MYO1F: variants seen among roughly 807,000 people sequenced by gnomAD.
MYO1F encodes myosin IF, also known as unconventional myosin-If.
A neutral mutation model predicts 146.6 loss-of-function variants in MYO1F; 60 were observed. That is an observed-to-expected ratio of 0.41 (90% CI 0.33 to 0.51). MYO1F has a LOEUF of 0.51. Among genes scored for constraint, MYO1F ranks in the 20% least tolerant of loss-of-function variants. MYO1F has a pLI of 0.25. For missense variants in MYO1F, 1,274 were observed against 1,534.3 expected, an observed-to-expected ratio of 0.83 and a Z score of 2.83; for synonymous variants, 602 against 602.1, an observed-to-expected ratio of 1.00 and a Z score of 0.00.
At chr19:8,522,588 C>T (rs370097600) in intron 26 of MYO1F, 42 bp from the exon 27 acceptor site, 6 of 1,607,046 alleles carry the variant, frequency 3.7e-6, no homozygotes, top group Non-Finnish European at 5.1e-6. Context: ...CAGACACTCC[C>T]CTACCCCCTG....
At chr19:8,566,921 C>G (rs1451079767) in intron 1 of MYO1F, among the ~76,000 whole-genome samples, 3 of 151,838 alleles carry the variant, frequency 2.0e-5, no homozygotes, top group Non-Finnish European at 4.4e-5. Context: ...AAGTAATCCT[C>G]TTGCTTCAGC....
chr19:8,532,072 T>A (rs796625876), intron 19 of MYO1F, among the ~76,000 whole-genome samples: 4 of 151,602 alleles, frequency 2.6e-5, no homozygotes, highest in African/African-American at 9.7e-5. Context: ...GAGCGGAGAT[T>A]GCGCCACTGC....
At chr19:8,533,231 G>C (rs1972565228) in intron 19 of MYO1F, among the ~76,000 whole-genome samples, 1 of 151,862 alleles carries the variant, frequency 6.6e-6, no homozygotes, top group Non-Finnish European at 1.5e-5. Context: ...GTTTTGCCAT[G>C]TTGTCCAGAC....
At chr19:8,561,147 A>T (rs4566305) in intron 1 of MYO1F, among the ~76,000 whole-genome samples, 1 of 151,684 alleles carries the variant, frequency 6.6e-6, no homozygotes, top group Non-Finnish European at 1.5e-5. Flanking sequence ...GCCTTCCAAA[A>T]TGCTGGGATT....
Position 8,530,777 on chromosome 19 carries a change from C to T in MYO1F, c.2044-204G>A, listed in dbSNP as rs983387942. 3.3e-5 allele frequency among the ~76,000 whole-genome samples: 5 copies of T among 152,178 alleles called. No homozygotes were observed. The highest frequency in any genetic ancestry group is 3.9e-4 in the East Asian group (2 of 5,192). Reference sequence around the variant, plus strand: ...AAAAGGGGCCGGGCGCAGTGGCTCACGCCTGTAATCCTAGCACTTCGGGAG... The same window carrying T: ...AAAAGGGGCCGGGCGCAGTGGCTCATGCCTGTAATCCTAGCACTTCGGGAG... On this transcript the variant is annotated intron_variant, in intron 19 of 27. Coordinates refer to ENST00000644032, the MANE Select transcript of MYO1F (RefSeq NM_012335.4). The surrounding 1 kb of genome is among the most constrained non-coding windows in gnomAD (Gnocchi z 5.8).
In MYO1F at chr19:8,554,702, C is replaced by T; in HGVS notation, c.183G>A (p.Lys61=). 6.2e-7 allele frequency: 1 copy of T among 1,613,912 alleles called. No individual in the cohort carries two copies. The highest frequency in any genetic ancestry group is 8.5e-7 in the Non-Finnish European group (1 of 1,179,988). Residue 61 remains lysine (K), a synonymous_variant, in exon 3 of 28, where the codon AAG becomes AAA. Coordinates refer to ENST00000644032, the MANE Select transcript of MYO1F (RefSeq NM_012335.4). ...GSVLISVNPF[K]QMPYFTDREI... ...CACGGTCGGTGAAGTAGGGCATCTGCTTGAAGGGGTTTACAGAGATGAGCA... is the reference window on the plus strand; with the variant it reads ...CACGGTCGGTGAAGTAGGGCATCTGTTTGAAGGGGTTTACAGAGATGAGCA...
rs1180881221 is a variant in MYO1F at position 8,522,701 on chromosome 19, G to A, written c.2983C>T (p.Pro995Ser). Residue 995 changes from proline to serine, a missense_variant, in exon 26 of 28, where the codon CCC becomes TCC. Physicochemically the swap from Pro to Ser is moderately conservative, Grantham distance 74. Coordinates refer to ENST00000644032, the MANE Select transcript of MYO1F (RefSeq NM_012335.4). ...PSTSLGASRR[P>S]RARPPSEHNT... Reference sequence around the variant, plus strand: ...TGCTCTGAGGGCGGACGTGCCCGGGGTCGTCTGCTGGCTCCCAGGGATGTG... The same window carrying A: ...TGCTCTGAGGGCGGACGTGCCCGGGATCGTCTGCTGGCTCCCAGGGATGTG... 18 of 1,613,792 alleles carry A rather than the reference G, an allele frequency of 1.1e-5. No homozygotes were observed. The highest frequency in any genetic ancestry group is 1.4e-5 in the Non-Finnish European group (16 of 1,180,006).
At position 8,527,436 on chromosome 19, in the gene MYO1F, A is replaced by G. The variant is rs902067983; in HGVS notation, c.2376T>C (p.Ile792=). The change falls in exon 22 of 28, where the codon ATT becomes ATC. Residue 792 remains isoleucine, a synonymous_variant. Coordinates refer to ENST00000644032, the MANE Select transcript of MYO1F (RefSeq NM_012335.4). The part of the protein sequence containing the change: ...LILTPKCVYV[I]GREKVKKGPE... ...GTCCCTTCTTCACTTTCTCTCGCCC[A>G]ATCACATACACACACTTGGGCGTCA... 7 of 1,613,938 alleles carry G rather than the reference A, an allele frequency of 4.3e-6. No individual in the cohort carries two copies. In the Admixed American group the frequency reaches 8.3e-5, roughly 19 times the overall value.
At chr19:8,523,363 G>A (rs1291952643) in intron 25 of MYO1F, among the ~76,000 whole-genome samples, 1 of 151,878 alleles carries the variant, frequency 6.6e-6, no homozygotes, top group African/African-American at 2.4e-5. Context: ...TGTTTATTTT[G>A]AGACATGGTC....
Position 8,537,043 on chromosome 19 carries a change from C to A in MYO1F, c.1705G>T (p.Asp569Tyr). The A allele has an allele frequency of 6.2e-7, 1 of 1,605,718 alleles. No individual in the cohort carries two copies. Among genetic ancestry groups the A allele is most frequent in the Non-Finnish European group, 8.5e-7 (1 of 1,176,300 alleles). ...AGSKIKKQAN[D>Y]LVATLMRCTP... is the part of the protein sequence containing the mutation. ...CACCTCATCAGTGTGGCCACCAGGT[C>A]GTTGGCTTGTTTCTGAGGCAGAAGT... The change falls in exon 17 of 28, where the codon GAC becomes TAC. Residue 569 changes from aspartate to tyrosine, a missense_variant. Coordinates refer to ENST00000644032, the MANE Select transcript of MYO1F (RefSeq NM_012335.4).
chr19:8,574,644 TC>T (rs1244775965), intron 1 of MYO1F, among the ~76,000 whole-genome samples: 5 of 52,642 alleles, frequency 9.5e-5, no homozygotes, highest in Non-Finnish European at 2.1e-4. Context: ...TTTCTTTCTT[TC>T]CTTTCTTTCT....
chr19:8,576,820 G>A (rs1372353130), intron 1 of MYO1F: 2 of 199,870 alleles, frequency 1.0e-5, no homozygotes, highest in African/African-American at 4.7e-5. Context: ...AGAACCCACA[G>A]ACCTTGAGAA....
chr19:8,525,310 C>A (rs540276107), intron 25 of MYO1F, 169 bp downstream of exon 25: 5 of 631,310 alleles, frequency 7.9e-6, no homozygotes, highest in African/African-American at 1.8e-5. Context: ...GCTCTGAATG[C>A]CAAACTAAGT....
chr19:8,575,099 C>T (rs1170406086), intron 1 of MYO1F, among the ~76,000 whole-genome samples: 8 of 138,644 alleles, frequency 5.8e-5, no homozygotes, highest in African/African-American at 1.9e-4. Flanking sequence ...TTTTTTGAGA[C>T]GGAGTCTGGC....
At chr19:8,555,870 T>C in intron 1 of MYO1F, 74 bp from the exon 2 acceptor site, 1 of 1,454,990 alleles carries the variant, frequency 6.9e-7, no homozygotes, top group East Asian at 2.3e-5. Flanking sequence ...CGCTATCAGC[T>C]TCTGGGTTCT....
chr19:8,561,265 CTGCA>C (rs2145949362), intron 1 of MYO1F, among the ~76,000 whole-genome samples: 1 of 152,120 alleles, frequency 6.6e-6, no homozygotes, highest in Non-Finnish European at 1.5e-5. Flanking sequence ...GGAGGTGTGG[CTGCA>C]GCAGGGACAG....
intron 13 of MYO1F, chr19:8,545,403 C>CT (rs1973301143): frequency 4.0e-6 from 2 of 499,188 alleles, no homozygotes; most frequent in East Asian, 7.7e-5. Context: ...AAATTTGACT[C>CT]TAACTGTGAG....
At position 8,574,719 on chromosome 19, in the gene MYO1F, CTCTTTCTT is replaced by C. The variant is rs569259997; in HGVS notation, c.3+2580_3+2587del. ...TTTCTCTCTTTCTTTCTTTTTCTTT[CTCTTTCTT>C]TCTTTCTTTTTCTTTCTTTCTTTCT... On this transcript the variant is annotated intron_variant, in intron 1 of 27. Transcript: ENST00000644032. 8.7e-3 allele frequency among the ~76,000 whole-genome samples: 1,140 copies of C among 131,518 alleles called. 7 individuals carry two copies. Among genetic ancestry groups the C allele is most frequent in the Non-Finnish European group, 0.014 (850 of 60,118 alleles). The allele number at this position is 131,518 out of a possible 152,430, so 86.3% of individuals were successfully genotyped here. A position where few individuals can be genotyped will look rare whatever the true frequency, so the allele number is the denominator to read the frequency against.
At chr19:8,553,894 ACTCTCTCTCT>A (rs530875155) in intron 4 of MYO1F, among the ~76,000 whole-genome samples, 8 of 102,606 alleles carry the variant, frequency 7.8e-5, no homozygotes, top group Non-Finnish European at 9.5e-5. Context: ...ACACACACAC[ACTCTCTCTCT>A]CTCTCTCTCT....
Sources: gnomAD v4.1 joint callset for allele counts (sites outside exome capture counted in the v4.1 genomes callset) on GRCh38, gnomAD v4.1.1 for gene constraint, Gnocchi (gnomAD v3.1) non-coding constraint, MANE v1.5 for transcripts, NCBI Gene and HGNC (gene_info 2026-07-23, HGNC 2026-07-21) for gene names.